The following BBX variants were observed in gnomAD, a reference collection of about 807,000 sequenced individuals.
BBX encodes BBX high mobility group box domain containing.
Under a neutral mutation model 100.2 loss-of-function variants are expected in BBX, and 30 were observed. The observed-to-expected ratio is 0.30, with a 90% CI of 0.22 to 0.41. BBX has a LOEUF of 0.41. BBX is among the 10% of genes least tolerant of loss of function. BBX has a pLI of 1.00. For missense variants in BBX, 1,023 were observed against 1,129.8 expected, an observed-to-expected ratio of 0.91 and a Z score of 1.35; for synonymous variants, 376 against 388.1, an observed-to-expected ratio of 0.97 and a Z score of 0.37.
At chr3:107,713,375 T>C (rs2107335478) in intron 4 of BBX, among the ~76,000 whole-genome samples, 1 of 152,298 alleles carries the variant, frequency 6.6e-6, no homozygotes, top group African/African-American at 2.4e-5. Flanking sequence ...AGTTATCTCC[T>C]TAAAATACAA....
chr3:107,582,471 G>A (rs1307258941), intron 2 of BBX, among the ~76,000 whole-genome samples: 3 of 151,942 alleles, frequency 2.0e-5, no homozygotes, highest in Non-Finnish European at 4.4e-5. Context: ...AAAACCAATA[G>A]CCACCCAAAG....
chr3:107,716,087 A>T (rs1184939499), intron 4 of BBX, among the ~76,000 whole-genome samples: 1 of 152,152 alleles, frequency 6.6e-6, no homozygotes. Flanking sequence ...TCTTACTTTC[A>T]TGTTAAATAG....
At chr3:107,804,313 T>G (rs1269995499) in intron 17 of BBX, among the ~76,000 whole-genome samples, 2 of 152,236 alleles carry the variant, frequency 1.3e-5, no homozygotes, top group Non-Finnish European at 2.9e-5. Flanking sequence ...CTATGTACTC[T>G]GAAGAAGATA....
At chr3:107,555,164 C>G (rs2050003679) in intron 2 of BBX, among the ~76,000 whole-genome samples, 2 of 152,152 alleles carry the variant, frequency 1.3e-5, no homozygotes, top group African/African-American at 4.8e-5. Flanking sequence ...AACCAAAGCT[C>G]CTATTTGAGG....
chr3:107,707,098 T>C (rs922553532), intron 3 of BBX, among the ~76,000 whole-genome samples: 1 of 152,226 alleles, frequency 6.6e-6, no homozygotes, highest in Non-Finnish European at 1.5e-5. Flanking sequence ...ACATTTTTCT[T>C]GATTTTTCAT....
At chr3:107,727,090 C>T (rs2062999096) in intron 5 of BBX, among the ~76,000 whole-genome samples, 1 of 151,032 alleles carries the variant, frequency 6.6e-6, no homozygotes, top group South Asian at 2.1e-4. Context: ...AAATTTTAAA[C>T]TACCCCCCCC....
At chr3:107,601,066 G>A (rs907552971) in intron 2 of BBX, among the ~76,000 whole-genome samples, 6 of 152,094 alleles carry the variant, frequency 3.9e-5, no homozygotes, top group African/African-American at 1.2e-4. Context: ...ATCTGCTATG[G>A]TGATCTGTGA....
chr3:107,580,717 C>T lies in BBX; in HGVS notation c.-84+54319C>T, dbSNP rs139125942. Among the ~76,000 whole-genome samples, 528 of 152,176 alleles carry T rather than the reference C, an allele frequency of 3.5e-3. 6 individuals carry two copies. Among genetic ancestry groups the T allele is most frequent in the Middle Eastern group, 0.034 (10 of 294 alleles). On this transcript the variant is annotated intron_variant, in intron 2 of 17. Coordinates refer to ENST00000325805, the MANE Select transcript of BBX (RefSeq NM_001142568.3). ...CACGATCTTGGCTCACTGCAACCTC[C>T]GCCTCCTGGGTTCAAGTGATTCTCT...
chr3:107,677,651 C>T (rs11923909), intron 3 of BBX, among the ~76,000 whole-genome samples: 8,067 of 152,118 alleles, frequency 0.053, 688 homozygotes, highest in African/African-American at 0.18. Context: ...TTATCGAATA[C>T]TAAAAGTTTT....
At chr3:107,574,981 A>G (rs1002224341) in intron 2 of BBX, among the ~76,000 whole-genome samples, 2 of 152,208 alleles carry the variant, frequency 1.3e-5, no homozygotes, top group Non-Finnish European at 2.9e-5. Flanking sequence ...ATAAAGGAAG[A>G]TAAAATGGAA....
At chr3:107,684,778 T>C (rs1338914970) in intron 3 of BBX, 3 of 152,320 alleles carry the variant, frequency 2.0e-5, no homozygotes, top group Admixed American at 2.0e-4. Context: ...AAGAGTAACT[T>C]TGCAATTGCA....
At chr3:107,547,977 C>G (rs2049364183) in intron 2 of BBX, among the ~76,000 whole-genome samples, 1 of 152,130 alleles carries the variant, frequency 6.6e-6, no homozygotes, top group African/African-American at 2.4e-5. Context: ...GGTTGCTTGT[C>G]TTTGTCATTT....
intron 3 of BBX, among the ~76,000 whole-genome samples, chr3:107,660,286 A>G (rs2058376955): frequency 6.6e-6 from 1 of 152,098 alleles, no homozygotes; most frequent in Non-Finnish European, 1.5e-5. Flanking sequence ...TTGCATAAAG[A>G]TGTAAGGATT....
intron 2 of BBX, among the ~76,000 whole-genome samples, chr3:107,552,429 A>G (rs1300207108): frequency 1.3e-5 from 2 of 151,784 alleles, no homozygotes; most frequent in African/African-American, 2.4e-5. Context: ...AGCAACTGAA[A>G]CAATTCTTAA....
At chr3:107,669,921 G>A in intron 3 of BBX, among the ~76,000 whole-genome samples, 1 of 152,098 alleles carries the variant, frequency 6.6e-6, no homozygotes, top group Non-Finnish European at 1.5e-5. Context: ...TGACTCATGA[G>A]CATGGAAATG....
intron 9 of BBX, among the ~76,000 whole-genome samples, chr3:107,750,706 A>G (rs2065016301): frequency 6.6e-6 from 1 of 152,234 alleles, no homozygotes. Context: ...TTAAGGCTAA[A>G]TAAGAGCTAA....
At chr3:107,553,868 T>G (rs2049884019) in intron 2 of BBX, among the ~76,000 whole-genome samples, 1 of 152,228 alleles carries the variant, frequency 6.6e-6, no homozygotes, top group Non-Finnish European at 1.5e-5. Context: ...AATTCCTGAG[T>G]ACTTATTTTC....
At chr3:107,775,083 G>A (rs2067220195) in intron 12 of BBX, among the ~76,000 whole-genome samples, 1 of 152,158 alleles carries the variant, frequency 6.6e-6, no homozygotes, top group Non-Finnish European at 1.5e-5. Context: ...TTTGATCATA[G>A]TGAAAATATA....
intron 2 of BBX, among the ~76,000 whole-genome samples, chr3:107,557,257 T>C (rs749277553): frequency 4.1e-4 from 63 of 152,370 alleles, no homozygotes; most frequent in Non-Finnish European, 6.5e-4. Context: ...CACTCTGTAT[T>C]CTTCAGGGAT....
Sources: allele counts gnomAD v4.1 joint callset (sites outside exome capture counted in the v4.1 genomes callset), GRCh38; gene constraint gnomAD v4.1.1; transcripts MANE v1.5; gene names NCBI Gene and HGNC (gene_info 2026-07-23, HGNC 2026-07-21).